Variants in PIAS2 observed in about 807,000 individuals in gnomAD.
PIAS2 encodes the protein protein inhibitor of activated STAT 2.
In PIAS2, 19 loss-of-function variants were observed where a neutral mutation model predicts 69.7. That is an observed-to-expected ratio of 0.27 (90% CI 0.19 to 0.40). The LOEUF (loss-of-function observed/expected upper bound fraction) is 0.40. Among genes scored for constraint, PIAS2 ranks in the 10% least tolerant of loss-of-function variants. The pLI is 1.00. For synonymous variants in PIAS2, 261 were observed against 263.2 expected, an observed-to-expected ratio of 0.99 and a Z score of 0.08; for missense variants, 624 against 757.0, an observed-to-expected ratio of 0.82 and a Z score of 2.06.
At chr18:46,919,330 T>C (rs548210009), upstream of PIAS2, among the ~76,000 whole-genome samples, 16 of 152,032 alleles carry the variant, frequency 1.1e-4, no homozygotes, top group Admixed American at 7.9e-4. Flanking sequence ...CCACCAAAAA[T>C]GCAAAATTAG....
intron 8 of PIAS2, among the ~76,000 whole-genome samples, chr18:46,837,928 A>G (rs1291767177): frequency 2.0e-5 from 3 of 152,254 alleles, no homozygotes; most frequent in Non-Finnish European, 2.9e-5. Flanking sequence ...AGCTGACAGT[A>G]TGTGCTCAGT....
Position 46,812,520 on chromosome 18 carries a change from A to G in PIAS2, c.1779T>C (p.Thr593=). Residue 593 remains threonine, a synonymous_variant, in exon 14 of 14, where the codon ACT becomes ACC. Transcript: ENST00000585916. ...TCCTGCTGCTGGATGAACTAACATG[A>G]GTACTGCTTTCATGGGAGCTGGTGG... The part of the protein sequence containing the change: ...VTTTSSHESS[T]HVSSSSSRSE... 4.3e-6 allele frequency: 7 copies of G among 1,612,904 alleles called. No individual in the cohort carries two copies. The highest frequency in any genetic ancestry group is 5.1e-6 in the Non-Finnish European group (6 of 1,178,952).
chr18:46,891,676 G>A (rs1457056296), intron 1 of PIAS2: 1 of 968,098 alleles, frequency 1.0e-6, no homozygotes, highest in East Asian at 1.1e-4. Flanking sequence ...TAAAACAACT[G>A]AAATTCCCAG....
chr18:46,842,916 T>C (rs1485642795), intron 8 of PIAS2, among the ~76,000 whole-genome samples: 1 of 152,122 alleles, frequency 6.6e-6, no homozygotes, highest in African/African-American at 2.4e-5. Flanking sequence ...TAAAGGCAAA[T>C]TCATGTTTTT....
Position 46,805,186 on chromosome 18 carries a change from A to ATGT in PIAS2, c.*7246_*7247insACA, listed in dbSNP as rs2040629964. On this transcript the variant is annotated 3_prime_UTR_variant, in exon 14 of 14. Coordinates refer to ENST00000585916, the MANE Select transcript of PIAS2 (RefSeq NM_004671.5). ...TGAGAATGGGCAAAGGAACTATGCT[A>ATGT]CGTCATGTCGGAGGATGGATAGGTT... 6.6e-6 allele frequency: 1 copy of ATGT among 152,218 alleles called. No individual in the cohort carries two copies. The highest frequency in any genetic ancestry group is 2.4e-5 in the African/African-American group (1 of 41,462). 9.4% of individuals were successfully genotyped at this position (152,218 alleles called of 1,614,324 possible).
At chr18:46,906,264 CAAGAT>C (rs1568878256) in intron 1 of PIAS2, 1 of 151,512 alleles carries the variant, frequency 6.6e-6, no homozygotes, top group African/African-American at 2.4e-5. Context: ...AAATCAGGAA[CAAGAT>C]CAGGATGCCC....
At chr18:46,829,942 T>C in intron 9 of PIAS2, 75 bp from the exon 10 acceptor site, 1 of 1,325,176 alleles carries the variant, frequency 7.5e-7, no homozygotes, top group Non-Finnish European at 1.0e-6. Context: ...GTAATACACA[T>C]TACCTTGAAA....
chr18:46,885,919 T>C (rs1235716109), intron 2 of PIAS2, among the ~76,000 whole-genome samples: 3 of 152,222 alleles, frequency 2.0e-5, no homozygotes, highest in Non-Finnish European at 4.4e-5. Flanking sequence ...AGTAAATTTA[T>C]AAAGAGCATA....
chr18:46,908,689 T>G (rs2056910014), intron 1 of PIAS2, among the ~76,000 whole-genome samples: 1 of 152,116 alleles, frequency 6.6e-6, no homozygotes, highest in South Asian at 2.1e-4. Flanking sequence ...TGCAATCACA[T>G]AAAAATTAAG....
chr18:46,809,756 A>T lies in PIAS2; in HGVS notation c.*2677T>A, dbSNP rs1235448375. On this transcript the variant is annotated 3_prime_UTR_variant, in exon 14 of 14. Coordinates refer to ENST00000585916, the MANE Select transcript of PIAS2 (RefSeq NM_004671.5). ...GGCAACAAGAGCAAGACTCAGCCTC[A>T]AAAAAAAAAAAAAAAAAATTGATTT... 10 of 35,072 alleles carry T rather than the reference A, an allele frequency of 2.9e-4. No individual in the cohort carries two copies. The South Asian group carries it at 4.8e-3, about 17-fold the overall frequency. 2.2% of individuals were successfully genotyped at this position (35,072 alleles called of 1,614,324 possible). A position where few individuals can be genotyped will look rare whatever the true frequency, so the allele number is the denominator to read the frequency against.
chr18:46,909,509 A>G (rs1350266320), intron 1 of PIAS2, among the ~76,000 whole-genome samples: 1 of 152,168 alleles, frequency 6.6e-6, no homozygotes. Flanking sequence ...TGGCCTCCCA[A>G]AGTGCTAGGA....
chr18:46,859,623 T>C (rs1247420773), intron 3 of PIAS2, among the ~76,000 whole-genome samples: 2 of 152,112 alleles, frequency 1.3e-5, no homozygotes, highest in Non-Finnish European at 2.9e-5. Context: ...ACTTCGCATC[T>C]TTGGTGCCTG....
chr18:46,858,344 G>C (rs909722568), intron 3 of PIAS2, among the ~76,000 whole-genome samples: 1 of 152,120 alleles, frequency 6.6e-6, no homozygotes, highest in Non-Finnish European at 1.5e-5. Flanking sequence ...ATGGGCTTTA[G>C]AAAGATCATA....
At chr18:46,886,768 G>C (rs1293318591) in intron 2 of PIAS2, among the ~76,000 whole-genome samples, 1 of 152,172 alleles carries the variant, frequency 6.6e-6, no homozygotes, top group East Asian at 1.9e-4. Context: ...ACCCGGGGAA[G>C]TGGAGGCCGC....
chr18:46,917,123 C>A, intron 1 of PIAS2, 199 bp downstream of exon 1: 1 of 997,702 alleles, frequency 1.0e-6, no homozygotes, highest in African/African-American at 1.7e-5. Flanking sequence ...AGGCCCGCCG[C>A]CCCCGCGCCG....
intron 1 of PIAS2, among the ~76,000 whole-genome samples, chr18:46,899,868 G>A (rs1245446881): frequency 6.6e-6 from 1 of 152,086 alleles, no homozygotes; most frequent in Non-Finnish European, 1.5e-5. Flanking sequence ...TCAAATTTGT[G>A]AGGTTAAGAA....
chr18:46,889,234 T>C (rs1222105014), intron 2 of PIAS2, among the ~76,000 whole-genome samples: 2 of 152,044 alleles, frequency 1.3e-5, no homozygotes, highest in African/African-American at 4.8e-5. Flanking sequence ...AATAAACAAA[T>C]TGGAATTTCA....
intron 1 of PIAS2, among the ~76,000 whole-genome samples, chr18:46,908,868 G>C (rs1456088665): frequency 1.3e-5 from 2 of 152,088 alleles, no homozygotes; most frequent in East Asian, 1.9e-4. Context: ...TATTAGCCAG[G>C]CATGGTGGCG....
intron 12 of PIAS2, chr18:46,815,711 T>G: frequency 9.9e-7 from 1 of 1,006,916 alleles, no homozygotes; most frequent in Non-Finnish European, 1.2e-6. Flanking sequence ...AAAAACATAC[T>G]TAAGCTCTTA....
Sources: allele counts gnomAD v4.1 joint callset (sites outside exome capture counted in the v4.1 genomes callset), GRCh38; gene constraint gnomAD v4.1.1; transcripts MANE v1.5; gene names NCBI Gene and HGNC (gene_info 2026-07-23, HGNC 2026-07-21).